Variants in RNF180 observed in about 807,000 individuals in gnomAD.
The protein encoded by RNF180 is ring finger protein 180, also known as E3 ubiquitin-protein ligase RNF180.
Under a neutral mutation model 59.2 loss-of-function variants are expected in RNF180, and 38 were observed. The ratio of observed to expected loss-of-function variants is 0.64; its 90% confidence interval spans 0.50 to 0.84. The LOEUF is 0.84. RNF180 is among the 40% of genes least tolerant of loss of function. The pLI is 0.00. For synonymous variants in RNF180, 262 were observed against 240.3 expected, an observed-to-expected ratio of 1.09 and a Z score of -0.84; for missense variants, 705 against 700.9, an observed-to-expected ratio of 1.01 and a Z score of -0.07.
rs143191328 is a variant in RNF180, at chr5:64,166,915, A to G, written c.-1+962A>G. Among the ~76,000 whole-genome samples the G allele has an allele frequency of 4.3e-3, 662 of 152,268 alleles. 5 individuals carry two copies. The highest frequency in any genetic ancestry group is 0.015 in the African/African-American group (629 of 41,552). Reference sequence around the variant, plus strand: ...ACGGTCTGATGCTCATTGTATTTTTATATACTCATTAATTGTTAAAACCTT... The same window carrying G: ...ACGGTCTGATGCTCATTGTATTTTTGTATACTCATTAATTGTTAAAACCTT... On this transcript the variant is annotated intron_variant, in intron 1 of 7. Transcript: ENST00000389100.
rs571381434 is a variant in RNF180, at chr5:64,209,239, TA to T, written c.136-2822del. ...GAAAATAAAAAGAATAAGTACATTG[TA>T]AAACTTTCTTCTACCTACAACTGTG... On this transcript the variant is annotated intron_variant, in intron 2 of 7. Coordinates refer to ENST00000389100, the MANE Select transcript of RNF180 (RefSeq NM_001113561.2). Among the ~76,000 whole-genome samples the T allele has an allele frequency of 1.5e-3, 226 of 152,150 alleles. 1 individual carries two copies. Among genetic ancestry groups the T allele is most frequent in the African/African-American group, 5.2e-3 (217 of 41,562 alleles).
intron 5 of RNF180, among the ~76,000 whole-genome samples, chr5:64,251,969 A>G (rs1743607354): frequency 6.6e-6 from 1 of 152,186 alleles, no homozygotes. Flanking sequence ...AATATCTCAT[A>G]CACATGGATT....
At chr5:64,284,845 A>G (rs1742195861) in intron 5 of RNF180, among the ~76,000 whole-genome samples, 1 of 152,204 alleles carries the variant, frequency 6.6e-6, no homozygotes, top group Admixed American at 6.5e-5. Flanking sequence ...AGCCTGCTTA[A>G]GAATCATTGC....
Position 64,246,836 on chromosome 5 carries a change from T to G in RNF180, c.1227+29440T>G, listed in dbSNP as rs371996009. Among the ~76,000 whole-genome samples, 39 of 152,312 alleles carry G rather than the reference T, an allele frequency of 2.6e-4. No individual in the cohort carries two copies. In the South Asian group the frequency reaches 7.2e-3, roughly 28 times the overall value. ...AGGAAAGTTCAGGCCAATATCCTGATGAACATCTATGAGAAAATCCTCAAT... is the reference window on the plus strand; with the variant it reads ...AGGAAAGTTCAGGCCAATATCCTGAGGAACATCTATGAGAAAATCCTCAAT... On this transcript the variant is annotated intron_variant, in intron 5 of 7. Transcript: ENST00000389100.
intron 5 of RNF180, among the ~76,000 whole-genome samples, chr5:64,245,039 TGA>T (rs749086074): frequency 2.0e-5 from 3 of 152,264 alleles, no homozygotes; most frequent in African/African-American, 7.2e-5. Context: ...AAGAAAATTC[TGA>T]GAGATTTTGT....
chr5:64,174,470 T>TA (rs1199026250), intron 1 of RNF180, among the ~76,000 whole-genome samples: 1 of 152,132 alleles, frequency 6.6e-6, no homozygotes, highest in African/African-American at 2.4e-5. Flanking sequence ...CAGCATTTGT[T>TA]ATTTTTTTTT....
intron 5 of RNF180, among the ~76,000 whole-genome samples, chr5:64,309,460 G>A (rs764204069): frequency 2.6e-5 from 4 of 151,422 alleles, no homozygotes; most frequent in Non-Finnish European, 4.4e-5. Context: ...TTTCTTTCCC[G>A]TTTCTTCCTA....
chr5:64,245,821 T>G (rs1367937630), intron 5 of RNF180, among the ~76,000 whole-genome samples: 1 of 152,226 alleles, frequency 6.6e-6, no homozygotes, highest in Non-Finnish European at 1.5e-5. Context: ...TACATTCTTC[T>G]AAACACCACA....
chr5:64,209,883 CTG>C (rs1447543291), intron 2 of RNF180, among the ~76,000 whole-genome samples: 2 of 152,204 alleles, frequency 1.3e-5, no homozygotes, highest in East Asian at 1.9e-4. Flanking sequence ...TTTTCAAAAA[CTG>C]TATCCATACC....
At chr5:64,214,703 C>G (rs1752521817) in intron 4 of RNF180, among the ~76,000 whole-genome samples, 186 bp downstream of exon 4, 1 of 152,074 alleles carries the variant, frequency 6.6e-6, no homozygotes, top group African/African-American at 2.4e-5. Context: ...AACCCAGTCT[C>G]TATGCTTCAT....
chr5:64,267,826 T>G (rs1463934012), intron 5 of RNF180, among the ~76,000 whole-genome samples: 1 of 152,120 alleles, frequency 6.6e-6, no homozygotes, highest in Non-Finnish European at 1.5e-5. Flanking sequence ...CAATGATTAG[T>G]GTAAGTAATA....
chr5:64,246,913 G>A (rs1362140192), intron 5 of RNF180, among the ~76,000 whole-genome samples: 2 of 152,120 alleles, frequency 1.3e-5, no homozygotes, highest in African/African-American at 2.4e-5. Flanking sequence ...TACCCACCAC[G>A]ATCAAGTCAG....
chr5:64,322,639 A>T (rs960069344), intron 5 of RNF180, among the ~76,000 whole-genome samples: 1 of 106,268 alleles, frequency 9.4e-6, no homozygotes, highest in African/African-American at 3.5e-5. Context: ...GTGTGTGTGT[A>T]TAACGGAATA....
At chr5:64,295,608 T>C (rs981122226) in intron 5 of RNF180, among the ~76,000 whole-genome samples, 1 of 152,204 alleles carries the variant, frequency 6.6e-6, no homozygotes, top group Non-Finnish European at 1.5e-5. Context: ...AACTCCCTTT[T>C]TTACCCACCC....
chr5:64,291,963 G>GT (rs922870942), intron 5 of RNF180, among the ~76,000 whole-genome samples: 17 of 151,912 alleles, frequency 1.1e-4, no homozygotes, highest in African/African-American at 3.9e-4. Context: ...AATTTCTTAT[G>GT]TTTTTTTAGC....
intron 7 of RNF180, among the ~76,000 whole-genome samples, chr5:64,356,122 T>C (rs1431389785): frequency 6.6e-6 from 1 of 151,608 alleles, no homozygotes; most frequent in Admixed American, 6.6e-5. Flanking sequence ...TAGCTGAGCA[T>C]GGTGGTGCAT....
intron 1 of RNF180, among the ~76,000 whole-genome samples, chr5:64,177,091 A>G (rs1016525942): frequency 6.6e-6 from 1 of 152,176 alleles, no homozygotes; most frequent in Non-Finnish European, 1.5e-5. Context: ...TAATTCTCAG[A>G]CTGTTTTCTG....
intron 7 of RNF180, among the ~76,000 whole-genome samples, chr5:64,340,282 A>G (rs1745307341): frequency 6.6e-6 from 1 of 152,206 alleles, no homozygotes; most frequent in Non-Finnish European, 1.5e-5. Context: ...AGAATTAAAA[A>G]TTCCATGTTT....
chr5:64,312,223 AT>A (rs1743802919), intron 5 of RNF180, among the ~76,000 whole-genome samples: 1 of 152,078 alleles, frequency 6.6e-6, no homozygotes, highest in Non-Finnish European at 1.5e-5. Flanking sequence ...ATTGAGTTCC[AT>A]TTTTGGCCAC....
Sources: allele counts gnomAD v4.1 joint callset (sites outside exome capture counted in the v4.1 genomes callset), GRCh38; gene constraint gnomAD v4.1.1; transcripts MANE v1.5; gene names NCBI Gene and HGNC (gene_info 2026-07-23, HGNC 2026-07-21).